Variants in ADGRL3 observed in about 807,000 individuals in gnomAD.
ADGRL3 encodes the protein calcium-independent alpha-latrotoxin receptor 3.
In ADGRL3, 62 loss-of-function variants were observed where a neutral mutation model predicts 153.5. That is an observed-to-expected ratio of 0.40 (90% CI 0.33 to 0.50). The LOEUF (loss-of-function observed/expected upper bound fraction) is 0.50, where lower values mean the gene tolerates loss of function less well. Among genes scored for constraint, ADGRL3 ranks in the 20% least tolerant of loss-of-function variants. The probability of loss-of-function intolerance (pLI) is 0.47; values close to 1 mark genes in which losing one functional copy is unlikely to be tolerated. For missense variants in ADGRL3, 1,641 were observed against 1,859.4 expected (o/e 0.88, Z 2.16); for synonymous variants, 710 against 672.5 (o/e 1.06, Z -0.86).
At chr4:61,640,500 T>A (rs748164758) in intron 5 of ADGRL3, among the ~76,000 whole-genome samples, 13 of 152,192 alleles carry the variant, frequency 8.5e-5, no homozygotes, top group Admixed American at 1.3e-4. Flanking sequence ...CTATATGATC[T>A]TGTAGTTGTG....
rs758932281 is a variant in ADGRL3, at chr4:61,983,481, G to T, written c.3114G>T (p.Val1038=). ...LEGVQLYIML[V]EVFESEHSRR... Reference sequence around the variant, plus strand: ...GGGTGCAGCTTTATATCATGCTGGTGGAGGTTTTTGAGAGTGAACATTCAC... The same window carrying T: ...GGGTGCAGCTTTATATCATGCTGGTTGAGGTTTTTGAGAGTGAACATTCAC... The change falls in exon 19 of 27, where the codon GTG becomes GTT. Residue 1038 remains valine (V), a synonymous_variant. Coordinates refer to ENST00000683033, the MANE Select transcript of ADGRL3 (RefSeq NM_001387552.1). The T allele has an allele frequency of 6.2e-7, 1 of 1,613,904 alleles. No homozygotes were observed. The highest frequency in any genetic ancestry group is 1.7e-5 in the Admixed American group (1 of 60,002).
chr4:61,429,202 C>T (rs1275760141), intron 2 of ADGRL3, among the ~76,000 whole-genome samples: 1 of 152,008 alleles, frequency 6.6e-6, no homozygotes, highest in Non-Finnish European at 1.5e-5. Flanking sequence ...AAATTAGAGA[C>T]AGTGATAGGA....
chr4:62,064,693 A>T (rs1175944402), intron 25 of ADGRL3, among the ~76,000 whole-genome samples: 1 of 151,260 alleles, frequency 6.6e-6, no homozygotes, highest in Non-Finnish European at 1.5e-5. Context: ...TTTCTCGGTC[A>T]CAGGTGAAAG....
At chr4:61,513,799 G>A (rs1036127146) in intron 3 of ADGRL3, among the ~76,000 whole-genome samples, 1 of 152,064 alleles carries the variant, frequency 6.6e-6, no homozygotes, top group Admixed American at 6.5e-5. Flanking sequence ...TAAAAGATAA[G>A]CATGAAGTTT....
intron 9 of ADGRL3, among the ~76,000 whole-genome samples, chr4:61,816,186 T>C (rs2097686809): frequency 6.6e-6 from 1 of 152,194 alleles, no homozygotes; most frequent in Non-Finnish European, 1.5e-5. Context: ...AAAAGAGTAC[T>C]ACTTTAGGGT....
intron 24 of ADGRL3, among the ~76,000 whole-genome samples, chr4:62,043,557 T>G (rs2151666767): frequency 6.6e-6 from 1 of 152,128 alleles, no homozygotes; most frequent in African/African-American, 2.4e-5. Context: ...ATTCAAGGAG[T>G]TCAAATGTAT....
At chr4:61,290,911 A>T (rs1024342304) in intron 1 of ADGRL3, among the ~76,000 whole-genome samples, 1 of 152,046 alleles carries the variant, frequency 6.6e-6, no homozygotes, top group African/African-American at 2.4e-5. Context: ...ATATACTATA[A>T]ATGCAAAATA....
At chr4:61,736,073 A>G (rs539532095) in intron 8 of ADGRL3, among the ~76,000 whole-genome samples, 31 of 152,230 alleles carry the variant, frequency 2.0e-4, no homozygotes, top group African/African-American at 7.2e-4. Flanking sequence ...ATATATGTAT[A>G]AATGTATAGT....
At chr4:61,882,132 A>C (rs1345119521) in intron 9 of ADGRL3, among the ~76,000 whole-genome samples, 3 of 152,208 alleles carry the variant, frequency 2.0e-5, no homozygotes, top group Admixed American at 1.3e-4. Context: ...ACATTTTCGT[A>C]CTGTTCGAGG....
chr4:61,666,973 T>C (rs1232601819), intron 5 of ADGRL3, among the ~76,000 whole-genome samples: 1 of 152,168 alleles, frequency 6.6e-6, no homozygotes, highest in African/African-American at 2.4e-5. Flanking sequence ...AAATCACTGG[T>C]ACAGAAGCCA....
intron 4 of ADGRL3, among the ~76,000 whole-genome samples, chr4:61,536,032 A>G (rs1321843016): frequency 6.6e-6 from 1 of 152,014 alleles, no homozygotes; most frequent in Admixed American, 6.6e-5. Context: ...GGCAATTAGC[A>G]CTATAAACTT....
intron 5 of ADGRL3, among the ~76,000 whole-genome samples, chr4:61,622,853 C>A (rs948978729): frequency 6.6e-6 from 1 of 152,112 alleles, no homozygotes; most frequent in Non-Finnish European, 1.5e-5. Flanking sequence ...CCATAACATT[C>A]TACTCCTTTC....
Position 61,738,537 on chromosome 4 carries a change from G to A in ADGRL3, c.1399+4983G>A, listed in dbSNP as rs374247673. Among the ~76,000 whole-genome samples, 12 of 152,098 alleles carry A rather than the reference G, an allele frequency of 7.9e-5. No homozygotes were observed. The South Asian group carries it at 1.2e-3, about 16-fold the overall frequency. On this transcript the variant is annotated intron_variant, in intron 8 of 26. Coordinates refer to ENST00000683033, the MANE Select transcript of ADGRL3 (RefSeq NM_001387552.1). The stretch of plus-strand genomic sequence containing the variant: ...GGCTGTACTAGTTTACATTCTACAA[G>A]TGTCATTTTTAAAGTCTGAAATGGT...
chr4:61,675,643 T>TTTTATATA (rs2095163082), intron 5 of ADGRL3, among the ~76,000 whole-genome samples: 1 of 139,792 alleles, frequency 7.2e-6, no homozygotes, highest in East Asian at 2.1e-4. Context: ...GCTTAGAAAG[T>TTTTATATA]TTTATTTATT....
intron 2 of ADGRL3, among the ~76,000 whole-genome samples, chr4:61,476,730 AAAAAAAAAC>A (rs1560699125): frequency 1.3e-5 from 2 of 148,372 alleles, no homozygotes; most frequent in Non-Finnish European, 3.0e-5. Flanking sequence ...AAAAAAAAAA[AAAAAAAAAC>A]AAAAAAACAT....
At chr4:61,663,120 C>A (rs1335797314) in intron 5 of ADGRL3, among the ~76,000 whole-genome samples, 5 of 152,176 alleles carry the variant, frequency 3.3e-5, no homozygotes, top group African/African-American at 1.2e-4. Context: ...CGGGACCCTC[C>A]AAATGGCAGG....
At chr4:62,013,565 G>A (rs1031165969) in intron 21 of ADGRL3, among the ~76,000 whole-genome samples, 7 of 151,364 alleles carry the variant, frequency 4.6e-5, no homozygotes, top group Middle Eastern at 3.4e-3. Flanking sequence ...AAGAAAGAAA[G>A]AAAGAAATTT....
intron 1 of ADGRL3, among the ~76,000 whole-genome samples, chr4:61,328,828 T>A (rs2095515021): frequency 6.6e-6 from 1 of 152,120 alleles, no homozygotes; most frequent in African/African-American, 2.4e-5. Flanking sequence ...CTCCTACTCC[T>A]GCTCCTGCCT....
chr4:61,305,252 C>T (rs1309165292), intron 1 of ADGRL3, among the ~76,000 whole-genome samples: 1 of 151,898 alleles, frequency 6.6e-6, no homozygotes, highest in Non-Finnish European at 1.5e-5. Context: ...TGAATATCTT[C>T]CTTGGAAGAA....
Sources: allele counts gnomAD v4.1 joint callset (sites outside exome capture counted in the v4.1 genomes callset), GRCh38; gene constraint gnomAD v4.1.1; transcripts MANE v1.5; gene names NCBI Gene and HGNC (gene_info 2026-07-23, HGNC 2026-07-21).